TDRD6: variants seen among roughly 807,000 people sequenced by gnomAD.
TDRD6 encodes the protein tudor domain containing 6.
Under a neutral mutation model 157.5 loss-of-function variants are expected in TDRD6, and 186 were observed. The observed-to-expected ratio is 1.18, with a 90% confidence interval of 1.05 to 1.33. TDRD6 has a LOEUF of 1.33. TDRD6 is among the 40% of genes most tolerant of loss of function. The pLI, the probability that TDRD6 is intolerant of heterozygous loss-of-function variation, is 0.00. For missense variants in TDRD6, 3,066 were observed against 2,508.0 expected (o/e 1.22, Z -4.75); for synonymous variants, 1,075 against 945.2 (o/e 1.14, Z -2.52).
rs1038506133 is a variant in TDRD6, at chr6:46,688,412, G to C, written c.284G>C (p.Arg95Pro). The change falls in exon 1 of 4, where the codon CGT (arginine) becomes CCT (proline). Residue 95 changes from arginine to proline, a missense_variant. Arg to Pro is a moderately radical substitution (Grantham distance 103). Coordinates refer to ENST00000316081, the MANE Select transcript of TDRD6 (RefSeq NM_001010870.3). ...GTCAGCCGGCAGGCACAGGAGAGCC[G>C]TGTCTTCCTGCTGGACGAGGGCCGC... The part of the protein sequence containing the change: ...RVVSRQAQES[R>P]VFLLDEGRTI... 1.9e-6 allele frequency: 3 copies of C among 1,539,296 alleles called. No individual in the cohort carries two copies. The highest frequency in any genetic ancestry group is 2.6e-6 in the Non-Finnish European group (3 of 1,145,712).
In TDRD6 at chr6:46,689,810, A is replaced by G. The variant is rs1444506034; in HGVS notation, c.1682A>G (p.Asp561Gly). ...TATAGGGCCATAGTCACCAAATTGG[A>G]TGACAAGAGTGTGGATGTATTCTTA... ...GYYRAIVTKL[D>G]DKSVDVFLVD... The change falls in exon 1 of 4, where the codon GAT becomes GGT. Residue 561 changes from aspartate (D) to glycine (G), a missense_variant. By Grantham distance (94) the Asp-to-Gly change is moderately conservative (BLOSUM62 -1). Coordinates refer to ENST00000316081, the MANE Select transcript of TDRD6 (RefSeq NM_001010870.3). 2 of 1,614,072 alleles carry G rather than the reference A, an allele frequency of 1.2e-6. No individual in the cohort carries two copies. The highest frequency in any genetic ancestry group is 1.7e-6 in the Non-Finnish European group (2 of 1,180,042).
In TDRD6 at chr6:46,689,145, C is replaced by T. The variant is rs776063349; in HGVS notation, c.1017C>T (p.Arg339=). 3.1e-6 allele frequency: 5 copies of T among 1,614,106 alleles called. No homozygotes were observed. The highest frequency in any genetic ancestry group is 2.2e-5 in the East Asian group (1 of 44,876). The change falls in exon 1 of 4, where the codon CGC becomes CGT. Residue 339 remains arginine (R), a synonymous_variant. Transcript: ENST00000316081. ...TGCTTGAGACTTTTCGGCCCCAGCG[C>T]TGTGCCCAGGTGCTTCATGTGGACT... The part of the protein sequence containing the change: ...ALLLETFRPQ[R]CAQVLHVDYG...
intron 2 of TDRD6, among the ~76,000 whole-genome samples, chr6:46,697,712 C>G (rs1764531046): frequency 1.5e-5 from 1 of 67,898 alleles, no homozygotes; most frequent in South Asian, 3.2e-4. Flanking sequence ...CATAGTGAAA[C>G]CCTGTCTTTA....
chr6:46,688,675 G>T lies in TDRD6; in HGVS notation c.547G>T (p.Glu183Ter). 1 of 1,600,130 alleles carries T rather than the reference G, an allele frequency of 6.2e-7. No homozygotes were observed. Among genetic ancestry groups the T allele is most frequent in the Non-Finnish European group, 8.5e-7 (1 of 1,179,880 alleles). The change falls in exon 1 of 4, where the codon GAG becomes TAG. Residue 183 changes from glutamate (E) to a stop codon, truncating the protein, a stop_gained. Coordinates refer to ENST00000316081, the MANE Select transcript of TDRD6 (RefSeq NM_001010870.3). LOFTEE classifies it high-confidence loss of function. Reference sequence around the variant, plus strand: ...GCTGCTCCATCGCCTGGTCCTCCTGGAGGTGCCTGATGTGTTCCAACAGAT... The same window carrying T: ...GCTGCTCCATCGCCTGGTCCTCCTGTAGGTGCCTGATGTGTTCCAACAGAT... ...VLLLHRLVLL[E>*]VPDVFQQMRE...
At chr6:46,684,486 A>G (rs1764041039), upstream of TDRD6, among the ~76,000 whole-genome samples, 1 of 152,048 alleles carries the variant, frequency 6.6e-6, no homozygotes, top group African/African-American at 2.4e-5. Context: ...GCCTGATGCT[A>G]TCCCTTTATA....
Position 46,690,202 on chromosome 6 carries a change from A to G in TDRD6, c.2074A>G (p.Thr692Ala), listed in dbSNP as rs1764266860. 3 of 1,613,938 alleles carry G rather than the reference A, an allele frequency of 1.9e-6. No homozygotes were observed. Among genetic ancestry groups the G allele is most frequent in the South Asian group, 1.1e-5 (1 of 91,084 alleles). Residue 692 changes from threonine (T) to alanine (A), a missense_variant, in exon 1 of 4, where the codon ACT (threonine) becomes GCT (alanine). Thr to Ala is a moderately conservative substitution (Grantham distance 58, BLOSUM62 0). Coordinates refer to ENST00000316081, the MANE Select transcript of TDRD6 (RefSeq NM_001010870.3). ...HSPGHVSNHF[T>A]TESNKIPFAK... is the part of the protein sequence containing the mutation. Reference sequence around the variant, plus strand: ...CCCAGGGCATGTTTCAAACCACTTTACTACGGAGAGTAACAAAATACCTTT... The same window carrying G: ...CCCAGGGCATGTTTCAAACCACTTTGCTACGGAGAGTAACAAAATACCTTT...
Position 46,692,843 on chromosome 6 carries a change from A to T in TDRD6, c.4715A>T (p.Asp1572Val), listed in dbSNP as rs1462516023. 2.5e-6 allele frequency: 4 copies of T among 1,613,768 alleles called. No individual in the cohort carries two copies. Among genetic ancestry groups the T allele is most frequent in the Non-Finnish European group, 2.5e-6 (3 of 1,179,888 alleles). ...RNCIPCPYIG[D>V]PCIVRYREDG... Reference sequence around the variant, plus strand: ...TGTATCCCATGTCCTTATATTGGAGATCCTTGTATAGTAAGATACAGAGAA... The same window carrying T: ...TGTATCCCATGTCCTTATATTGGAGTTCCTTGTATAGTAAGATACAGAGAA... The change falls in exon 1 of 4, where the codon GAT becomes GTT. Residue 1572 changes from aspartate (D) to valine (V), a missense_variant. Coordinates refer to ENST00000316081, the MANE Select transcript of TDRD6 (RefSeq NM_001010870.3).
chr6:46,682,284 G>C, the TDRD6 span, among the ~76,000 whole-genome samples: 1 of 151,890 alleles, frequency 6.6e-6, no homozygotes, highest in East Asian at 1.9e-4. Flanking sequence ...AAAAGTATTT[G>C]ATAAAATTCA....
upstream of TDRD6, among the ~76,000 whole-genome samples, chr6:46,682,916 T>A (rs1763998019): frequency 6.6e-6 from 1 of 151,944 alleles, no homozygotes; most frequent in Non-Finnish European, 1.5e-5. Context: ...GATCTCTACC[T>A]ACAAAGCAAT....
chr6:46,688,901 A>G lies in TDRD6; in HGVS notation c.773A>G (p.Gln258Arg), dbSNP rs903673127. The G allele has an allele frequency of 6.2e-7, 1 of 1,607,522 alleles. No homozygotes were observed. Among genetic ancestry groups the G allele is most frequent in the Non-Finnish European group, 8.5e-7 (1 of 1,175,836 alleles). ...LGVTEAVVIT[Q>R]VCHPHRIHCQ... ...GTGACGGAGGCCGTGGTCATAACCC[A>G]AGTGTGCCATCCCCACCGCATTCAC... Residue 258 changes from glutamine to arginine, a missense_variant, in exon 1 of 4, where the codon CAA becomes CGA. Transcript: ENST00000316081.
In TDRD6 at chr6:46,689,394, C is replaced by T; in HGVS notation, c.1266C>T (p.Ser422=). The change falls in exon 1 of 4, where the codon AGC becomes AGT. Residue 422 remains serine, a synonymous_variant. Transcript: ENST00000316081. ...YCSFEHVYYV[S]LYGEDGINLN... is the part of the protein sequence containing the mutation. ...CCTTTGAGCATGTGTATTATGTCAG[C>T]CTGTATGGAGAAGATGGGATTAATC... The T allele has an allele frequency of 6.2e-7, 1 of 1,613,734 alleles. No homozygotes were observed. Among genetic ancestry groups the T allele is most frequent in the Non-Finnish European group, 8.5e-7 (1 of 1,180,024 alleles).
At position 46,703,893 on chromosome 6, in the gene TDRD6, TAAAG is replaced by T. The variant is rs901364860; in HGVS notation, c.*2011_*2014del. On this transcript the variant is annotated 3_prime_UTR_variant, in exon 4 of 4. Transcript: ENST00000316081. ...TAGCAAGTAGAATGCCTTAAAGAAT[TAAAG>T]AAAGTGTCAAAAAATTACCAATTTA... 1.3e-5 allele frequency: 2 copies of T among 152,500 alleles called. No homozygotes were observed. Among genetic ancestry groups the T allele is most frequent in the African/African-American group, 2.4e-5 (1 of 41,580 alleles). 9.4% of individuals were successfully genotyped at this position (152,500 alleles called of 1,614,324 possible).
Position 46,692,576 on chromosome 6 carries a change from C to G in TDRD6, c.4448C>G (p.Ser1483Cys). ...MISRYALSEK[S>C]QVELSTQVIK... ...AGCAGGTATGCTCTCAGTGAAAAAT[C>G]TCAAGTAGAACTTTCTACCCAAGTA... Residue 1483 changes from serine (S) to cysteine (C), a missense_variant, in exon 1 of 4, where the codon TCT (serine) becomes TGT (cysteine). Coordinates refer to ENST00000316081, the MANE Select transcript of TDRD6 (RefSeq NM_001010870.3). 6.2e-7 allele frequency: 1 copy of G among 1,613,750 alleles called. No individual in the cohort carries two copies. Among genetic ancestry groups the G allele is most frequent in the African/African-American group, 1.3e-5 (1 of 75,028 alleles).
rs1408955390 is a variant in TDRD6 at position 46,688,582 on chromosome 6, G to A, written c.454G>A (p.Ala152Thr). The change falls in exon 1 of 4, where the codon GCC becomes ACC. Residue 152 changes from alanine (A) to threonine (T), a missense_variant. Coordinates refer to ENST00000316081, the MANE Select transcript of TDRD6 (RefSeq NM_001010870.3). ...GSGEPPQHWP[A>T]DAVDFLSNLQ... is the part of the protein sequence containing the mutation. ...AGGCGAGCCGCCGCAGCACTGGCCC[G>A]CCGACGCCGTGGACTTCCTTAGCAA... is the stretch of plus-strand genomic sequence containing the variant. The A allele has an allele frequency of 3.8e-6, 6 of 1,597,504 alleles. No individual in the cohort carries two copies. In the African/African-American group the frequency reaches 6.7e-5, roughly 18 times the overall value.
At position 46,688,065 on chromosome 6, in the gene TDRD6, G is replaced by C; in HGVS notation, c.-64G>C. On this transcript the variant is annotated 5_prime_UTR_variant, in exon 1 of 4. Transcript: ENST00000316081. ...GGACTCGCCTTCAGGCGGCGCGGAG[G>C]ATTTCGAGGCCCTGAGGCGCGGCCC... The C allele has an allele frequency of 7.1e-7, 1 of 1,410,920 alleles. No individual in the cohort carries two copies. Among genetic ancestry groups the C allele is most frequent in the South Asian group, 1.5e-5 (1 of 66,346 alleles). 87.4% of individuals were successfully genotyped at this position (1,410,920 alleles called of 1,614,324 possible).
Position 46,688,184 on chromosome 6 carries a change from C to A in TDRD6, c.56C>A (p.Ser19Tyr). The A allele has an allele frequency of 6.4e-7, 1 of 1,550,948 alleles. No individual in the cohort carries two copies. Among genetic ancestry groups the A allele is most frequent in the Non-Finnish European group, 8.7e-7 (1 of 1,154,658 alleles). ...APGASLALRV[S>Y]FVDVHPDVIP... The stretch of plus-strand genomic sequence containing the variant: ...GGGGCCTCGCTGGCCCTGCGGGTGT[C>A]CTTCGTGGACGTGCATCCCGATGTG... The change falls in exon 1 of 4, where the codon TCC (serine) becomes TAC (tyrosine). Residue 19 changes from serine (S) to tyrosine (Y), a missense_variant. By Grantham distance (144) the Ser-to-Tyr change is moderately radical. Coordinates refer to ENST00000316081, the MANE Select transcript of TDRD6 (RefSeq NM_001010870.3).
intron 3 of TDRD6, among the ~76,000 whole-genome samples, chr6:46,698,729 T>C (rs1764554514): frequency 6.6e-6 from 1 of 152,326 alleles, no homozygotes; most frequent in Non-Finnish European, 1.5e-5. Flanking sequence ...CCTAGAGAAA[T>C]GGTCAGCTTT....
At position 46,693,751 on chromosome 6, in the gene TDRD6, A is replaced by G. The variant is rs41273662; in HGVS notation, c.5623A>G (p.Asn1875Asp). 0.011 allele frequency: 17,997 copies of G among 1,614,224 alleles called. 124 individuals are homozygous for G. Among genetic ancestry groups the G allele is most frequent in the Middle Eastern group, 0.029 (178 of 6,060 alleles). Residue 1875 changes from asparagine (N) to aspartate (D), a missense_variant, in exon 1 of 4, where the codon AAT becomes GAT. Physicochemically the swap from Asn to Asp is conservative, Grantham distance 23. Coordinates refer to ENST00000316081, the MANE Select transcript of TDRD6 (RefSeq NM_001010870.3). ...EKGELSPVPP[N>D]VPLSQECVTK... ...AGGGGAGCTAAGCCCGGTGCCACCG[A>G]ATGTGCCACTCTCCCAAGAGTGTGT... is the stretch of plus-strand genomic sequence containing the variant.
At position 46,694,128 on chromosome 6, in the gene TDRD6, C is replaced by A. The variant is rs201555535; in HGVS notation, c.6000C>A (p.Ser2000Arg). The change falls in exon 1 of 4, where the codon AGC becomes AGA. Residue 2000 changes from serine (S) to arginine (R), a missense_variant. Coordinates refer to ENST00000316081, the MANE Select transcript of TDRD6 (RefSeq NM_001010870.3). ...ALMPLFSEEE[S>R]SDGSKHNNGL... ...TGCCTTTGTTCTCTGAGGAAGAAAG[C>A]AGTGATGGAAGCAAGCACAATAATG... The A allele has an allele frequency of 2.6e-5, 42 of 1,595,630 alleles. No homozygotes were observed. The highest frequency in any genetic ancestry group is 2.2e-5 in the Non-Finnish European group (26 of 1,171,828).
Sources: allele counts gnomAD v4.1 joint callset (sites outside exome capture counted in the v4.1 genomes callset), GRCh38; gene constraint gnomAD v4.1.1; transcripts MANE v1.5; gene names NCBI Gene and HGNC (gene_info 2026-07-23, HGNC 2026-07-21).